DAP: variants seen among roughly 807,000 people sequenced by gnomAD.
The protein encoded by DAP is death-associated protein 1.
A neutral mutation model predicts 13.8 loss-of-function variants in DAP; 8 were observed. The ratio of observed to expected loss-of-function variants is 0.58; its 90% CI spans 0.34 to 1.05. The LOEUF is 1.05. Ranked by LOEUF, DAP falls within the 50% of genes least tolerant of loss-of-function variation. The pLI is 0.03. For missense variants in DAP, 106 were observed against 133.2 expected (o/e 0.80, Z 1.01); for synonymous variants, 47 against 47.5 (o/e 0.99, Z 0.04).
rs553449987 is a variant in DAP, at chr5:10,679,826, G to A, written c.*1230C>T. 6.6e-6 allele frequency: 1 copy of A among 152,500 alleles called. No homozygotes were observed. The highest frequency in any genetic ancestry group is 2.1e-4 in the South Asian group (1 of 4,834). 9.4% of individuals were successfully genotyped at this position (152,500 alleles called of 1,614,324 possible). ...AACAGCACCAGAAAGGCTGGTGGTT[G>A]GCAGCTGCTCACGACACAGTTGCTG... On this transcript the variant is annotated 3_prime_UTR_variant, in exon 4 of 4. Transcript: ENST00000230895.
In DAP at chr5:10,748,290, G is replaced by C; in HGVS notation, c.56-19C>G. 1.2e-6 allele frequency: 2 copies of C among 1,607,404 alleles called. No homozygotes were observed. The highest frequency in any genetic ancestry group is 1.7e-6 in the Non-Finnish European group (2 of 1,173,944). On this transcript the variant is annotated intron_variant, in intron 1 of 3. Transcript: ENST00000230895. Reference sequence around the variant, plus strand: ...GCTTTCACTGAAATGAAAACAGAGAGTGTGGGATTAATGTGGAAATGGGGC... The same window carrying C: ...GCTTTCACTGAAATGAAAACAGAGACTGTGGGATTAATGTGGAAATGGGGC...
intron 2 of DAP, among the ~76,000 whole-genome samples, chr5:10,699,500 A>C (rs1422177823): frequency 2.0e-5 from 3 of 152,232 alleles, no homozygotes; most frequent in African/African-American, 4.8e-5. Context: ...GTTTACCAGA[A>C]GCTAATGCGA....
At chr5:10,728,096 GCTGA>G (rs1739338365) in intron 2 of DAP, among the ~76,000 whole-genome samples, 1 of 152,130 alleles carries the variant, frequency 6.6e-6, no homozygotes, top group Non-Finnish European at 1.5e-5. Flanking sequence ...GATACAGAAG[GCTGA>G]CTGTCTATGA....
rs571915948 is a variant in DAP at position 10,725,068 on chromosome 5, T to C, written c.152+23107A>G. ...CATTTGTTTCTATCTCTGATCACATTTGGAATCCCTGGCAAAGTGAAAACA... is the reference window on the plus strand; with the variant it reads ...CATTTGTTTCTATCTCTGATCACATCTGGAATCCCTGGCAAAGTGAAAACA... On this transcript the variant is annotated intron_variant, in intron 2 of 3. Transcript: ENST00000230895. Among the ~76,000 whole-genome samples the C allele has an allele frequency of 3.9e-5, 6 of 152,362 alleles. No individual in the cohort carries two copies. The South Asian group carries it at 6.2e-4, about 16-fold the overall frequency.
chr5:10,705,621 G>A (rs1401684376), intron 2 of DAP, among the ~76,000 whole-genome samples: 1 of 152,198 alleles, frequency 6.6e-6, no homozygotes, highest in Non-Finnish European at 1.5e-5. Context: ...GTCAGACAAC[G>A]GGCATTTTTC....
chr5:10,707,931 T>C lies in DAP; in HGVS notation c.153-24360A>G, dbSNP rs181265258. On this transcript the variant is annotated intron_variant, in intron 2 of 3. Coordinates refer to ENST00000230895, the MANE Select transcript of DAP (RefSeq NM_004394.3). This position sits in a 1 kb window ranked among gnomAD's most constrained non-coding sequence, Gnocchi z 4.0. ...TGTCGCTACCTCCAAGTGGCTCTAA[T>C]TCTTATTTAGGCTTGAAATTCTTAA... Among the ~76,000 whole-genome samples, 2 of 152,342 alleles carry C rather than the reference T, an allele frequency of 1.3e-5. No homozygotes were observed. Among genetic ancestry groups the C allele is most frequent in the African/African-American group, 4.8e-5 (2 of 41,578 alleles).
At chr5:10,731,476 G>A (rs1739459833) in intron 2 of DAP, among the ~76,000 whole-genome samples, 1 of 152,176 alleles carries the variant, frequency 6.6e-6, no homozygotes, top group Non-Finnish European at 1.5e-5. Flanking sequence ...CACTGCCCAG[G>A]CTCCAGGTCC....
chr5:10,701,764 T>C lies in DAP; in HGVS notation c.153-18193A>G, dbSNP rs192576185. ...CCCTGGGACGGTCTGGGTTCAGGCA[T>C]TGGTCCTGGTGTTATTACTAGCAGT... On this transcript the variant is annotated intron_variant, in intron 2 of 3. Transcript: ENST00000230895. Among the ~76,000 whole-genome samples, 8 of 152,256 alleles carry C rather than the reference T, an allele frequency of 5.3e-5. No individual in the cohort carries two copies. In the East Asian group the frequency reaches 1.2e-3, roughly 22 times the overall value.
intron 2 of DAP, among the ~76,000 whole-genome samples, chr5:10,694,171 A>G (rs901193376): frequency 6.6e-6 from 1 of 152,172 alleles, no homozygotes; most frequent in African/African-American, 2.4e-5. Flanking sequence ...GGCAGCCGAC[A>G]GGGCCAGAGA....
At chr5:10,685,948 A>C (rs1738145661) in intron 2 of DAP, among the ~76,000 whole-genome samples, 1 of 152,060 alleles carries the variant, frequency 6.6e-6, no homozygotes, top group African/African-American at 2.4e-5. Context: ...ACAAACAAAC[A>C]CCTTGTTTTA....
intron 3 of DAP, among the ~76,000 whole-genome samples, chr5:10,682,619 T>G (rs1738052803): frequency 6.6e-6 from 1 of 152,244 alleles, no homozygotes; most frequent in Admixed American, 6.5e-5. Flanking sequence ...AGGGCAGGCG[T>G]GGACTGTGAA....
intron 2 of DAP, among the ~76,000 whole-genome samples, chr5:10,731,874 G>C (rs1358790680): frequency 6.6e-6 from 1 of 152,226 alleles, no homozygotes; most frequent in Non-Finnish European, 1.5e-5. Flanking sequence ...TGTGGAGGCA[G>C]CTGCTCTAGG....
At chr5:10,691,523 G>C (rs1343928415) in intron 2 of DAP, among the ~76,000 whole-genome samples, 1 of 152,178 alleles carries the variant, frequency 6.6e-6, no homozygotes, top group Non-Finnish European at 1.5e-5. Flanking sequence ...AATGCCATTA[G>C]GCTTCCATGC....
intron 2 of DAP, among the ~76,000 whole-genome samples, chr5:10,689,812 A>G (rs138737005): frequency 4.6e-5 from 7 of 152,214 alleles, no homozygotes; most frequent in Non-Finnish European, 7.4e-5. Context: ...TCAGGATGGA[A>G]AGGCCGTGAA....
At chr5:10,727,341 A>C (rs568579554) in intron 2 of DAP, among the ~76,000 whole-genome samples, 3 of 152,300 alleles carry the variant, frequency 2.0e-5, no homozygotes, top group Admixed American at 2.0e-4. Context: ...TGCCTGTGGG[A>C]ACGCACAGGG....
intron 1 of DAP, among the ~76,000 whole-genome samples, chr5:10,759,782 G>C (rs937859464): frequency 1.7e-5 from 2 of 116,100 alleles, no homozygotes; most frequent in East Asian, 2.4e-4. Context: ...ATGGAGTCTC[G>C]CTCGCTTTGT....
chr5:10,752,949 T>C (rs1028834148), intron 1 of DAP, among the ~76,000 whole-genome samples: 7 of 152,202 alleles, frequency 4.6e-5, no homozygotes, highest in Non-Finnish European at 1.0e-4. Context: ...AGTCCTCAAA[T>C]CGTTGGTGCT....
chr5:10,713,533 G>T (rs1738904432), intron 2 of DAP, among the ~76,000 whole-genome samples: 1 of 152,156 alleles, frequency 6.6e-6, no homozygotes, highest in South Asian at 2.1e-4. Context: ...TCTGACAGGG[G>T]TTACTGTTTT....
At chr5:10,735,436 C>G (rs992128251) in intron 2 of DAP, among the ~76,000 whole-genome samples, 3 of 152,142 alleles carry the variant, frequency 2.0e-5, no homozygotes, top group African/African-American at 4.8e-5. Context: ...TTGAGATGAG[C>G]TAATGATAGT....
Sources: gnomAD v4.1 joint callset for allele counts (sites outside exome capture counted in the v4.1 genomes callset) on GRCh38, gnomAD v4.1.1 for gene constraint, Gnocchi (gnomAD v3.1) non-coding constraint, MANE v1.5 for transcripts, NCBI Gene and HGNC (gene_info 2026-07-23, HGNC 2026-07-21) for gene names.